Variants in RBFOX1 observed in about 807,000 individuals in gnomAD.
RBFOX1 encodes RNA binding protein fox-1 homolog 1.
RBFOX1 carries 8 observed loss-of-function variants against 57.7 expected under a neutral mutation model. The observed-to-expected ratio is 0.14, with a 90% CI of 0.08 to 0.25. The LOEUF (loss-of-function observed/expected upper bound fraction) is 0.25. Ranked by LOEUF, RBFOX1 falls within the 10% of genes least tolerant of loss-of-function variation. The pLI, the probability that RBFOX1 is intolerant of heterozygous loss-of-function variation, is 1.00. For missense variants in RBFOX1, 611 were observed against 548.5 expected, an observed-to-expected ratio of 1.11 and a Z score of -1.14; for synonymous variants, 326 against 222.4, an observed-to-expected ratio of 1.47 and a Z score of -4.15.
intron 2 of RBFOX1, among the ~76,000 whole-genome samples, chr16:6,618,217 C>T (rs2098171785): frequency 6.6e-6 from 1 of 152,128 alleles, no homozygotes. Flanking sequence ...GTGGTCTACC[C>T]ATCACTGATA....
intron 4 of RBFOX1, among the ~76,000 whole-genome samples, chr16:7,222,169 G>C (rs1385817512): frequency 6.8e-6 from 1 of 147,144 alleles, no homozygotes; most frequent in African/African-American, 2.4e-5. Context: ...CCTGAAGTAA[G>C]ACAGTGCCAT....
intron 2 of RBFOX1, among the ~76,000 whole-genome samples, chr16:6,638,108 G>T (rs544427379): frequency 6.6e-6 from 1 of 152,016 alleles, no homozygotes; most frequent in Non-Finnish European, 1.5e-5. Flanking sequence ...AATGTTGTAG[G>T]CCTGCCATTG....
rs2098112130 is a variant in RBFOX1, at chr16:7,394,651, C to A, written c.28-123496C>A. The stretch of plus-strand genomic sequence containing the variant: ...GTGTCTGGATTCTCGATCACCACCT[C>A]CCTTTTCAGTTTACTGATCAGGCAG... On this transcript the variant is annotated intron_variant, in intron 4 of 15. Coordinates refer to ENST00000550418, the MANE Select transcript of RBFOX1 (RefSeq NM_018723.4). Among the ~76,000 whole-genome samples the A allele has an allele frequency of 2.0e-5, 3 of 152,312 alleles. No individual in the cohort carries two copies. The South Asian group carries it at 6.2e-4, about 32-fold the overall frequency.
At chr16:6,282,897 T>C (rs931328870) in intron 1 of RBFOX1, among the ~76,000 whole-genome samples, 5 of 152,246 alleles carry the variant, frequency 3.3e-5, no homozygotes, top group Admixed American at 3.3e-4. Flanking sequence ...ATCTATTGTC[T>C]CATTTCATTG....
intron 4 of RBFOX1, among the ~76,000 whole-genome samples, chr16:7,202,913 G>T (rs150639448): frequency 7.6e-4 from 115 of 151,982 alleles, no homozygotes; most frequent in African/African-American, 2.4e-3. Context: ...TTTTGAGACC[G>T]AGTCTCACTG....
intron 3 of RBFOX1, among the ~76,000 whole-genome samples, chr16:6,988,726 A>G (rs1408073372): frequency 7.5e-6 from 1 of 132,836 alleles, no homozygotes; most frequent in Non-Finnish European, 1.5e-5. Context: ...CATCACACCC[A>G]GCTAATTTTT....
At chr16:7,067,872 T>A (rs1444063276) in intron 4 of RBFOX1, among the ~76,000 whole-genome samples, 2 of 152,064 alleles carry the variant, frequency 1.3e-5, no homozygotes, top group Non-Finnish European at 2.9e-5. Flanking sequence ...AACTCATCAT[T>A]TTTTATGGCT....
At chr16:6,703,785 C>G (rs193153538) in intron 3 of RBFOX1, 1 of 152,368 alleles carries the variant, frequency 6.6e-6, no homozygotes, top group Non-Finnish European at 1.5e-5. Flanking sequence ...CCACATCTGT[C>G]CAACCCAGAT....
chr16:5,745,377 A>G (rs1423706921), intron 3 of RBFOX1, among the ~76,000 whole-genome samples: 6 of 152,212 alleles, frequency 3.9e-5, no homozygotes, highest in Non-Finnish European at 1.5e-5. Context: ...AGTCTTTACT[A>G]TTGTGAATAG....
At chr16:5,329,873 G>C in intron 1 of RBFOX1, among the ~76,000 whole-genome samples, 1 of 151,984 alleles carries the variant, frequency 6.6e-6, no homozygotes, top group East Asian at 1.9e-4. Flanking sequence ...GTGATGGCAG[G>C]CACCTGTAGT....
At chr16:7,674,019 G>T (rs183103199) in intron 13 of RBFOX1, among the ~76,000 whole-genome samples, 1 of 152,164 alleles carries the variant, frequency 6.6e-6, no homozygotes, top group Non-Finnish European at 1.5e-5. Context: ...AATACAGAGC[G>T]ATAAAATTGA....
At chr16:5,364,826 C>G (rs986848756) in intron 1 of RBFOX1, among the ~76,000 whole-genome samples, 1 of 152,102 alleles carries the variant, frequency 6.6e-6, no homozygotes, top group East Asian at 1.9e-4. Flanking sequence ...TGGGGCTTGG[C>G]TTGTTGACAT....
chr16:7,115,264 G>A (rs62014131), intron 4 of RBFOX1, among the ~76,000 whole-genome samples: 44,569 of 151,952 alleles, frequency 0.29, 7,826 homozygotes, highest in Non-Finnish European at 0.39. Context: ...GGTGGCCTCC[G>A]GTCACTCATG....
At position 6,061,932 on chromosome 16, in the gene RBFOX1, G is replaced by C. The variant is rs373436603; in HGVS notation, c.-127+41940G>C. Reference sequence around the variant, plus strand: ...AAGACTGCCCCCACTTTGGACTCCAGTTGGAAGCCTCAGGTTGTGACCTGT... The same window carrying C: ...AAGACTGCCCCCACTTTGGACTCCACTTGGAAGCCTCAGGTTGTGACCTGT... On this transcript the variant is annotated intron_variant, in intron 1 of 15. Coordinates refer to ENST00000550418, the MANE Select transcript of RBFOX1 (RefSeq NM_018723.4). Among the ~76,000 whole-genome samples the C allele has an allele frequency of 2.6e-5, 4 of 152,176 alleles. No individual in the cohort carries two copies. The East Asian group carries it at 5.8e-4, about 22-fold the overall frequency.
intron 3 of RBFOX1, among the ~76,000 whole-genome samples, chr16:7,016,318 C>A (rs780479058): frequency 3.1e-4 from 47 of 152,126 alleles, no homozygotes; most frequent in Non-Finnish European, 5.7e-4. Context: ...AAACTGAAGA[C>A]TGGGAGTTAA....
At chr16:7,399,355 G>A (rs2098198196) in intron 4 of RBFOX1, among the ~76,000 whole-genome samples, 1 of 152,170 alleles carries the variant, frequency 6.6e-6, no homozygotes, top group Non-Finnish European at 1.5e-5. Context: ...GCTGAAGCAG[G>A]AGAATTGCTT....
At chr16:7,319,270 G>A (rs2096499660) in intron 4 of RBFOX1, among the ~76,000 whole-genome samples, 1 of 152,282 alleles carries the variant, frequency 6.6e-6, no homozygotes, top group African/African-American at 2.4e-5. Flanking sequence ...ATTCAATATT[G>A]TTGGGGGAGA....
At chr16:7,418,687 C>T (rs1292238477) in intron 4 of RBFOX1, among the ~76,000 whole-genome samples, 1 of 152,046 alleles carries the variant, frequency 6.6e-6, no homozygotes, top group Non-Finnish European at 1.5e-5. Flanking sequence ...CTTTTGCAAA[C>T]CTGGAAAAAA....
At chr16:5,509,375 C>T (rs2043498518) in intron 2 of RBFOX1, among the ~76,000 whole-genome samples, 1 of 152,182 alleles carries the variant, frequency 6.6e-6, no homozygotes, top group African/African-American at 2.4e-5. Context: ...TGATCTCCCT[C>T]CACCACCGAC....
Sources: allele counts gnomAD v4.1 joint callset (sites outside exome capture counted in the v4.1 genomes callset), GRCh38; gene constraint gnomAD v4.1.1; transcripts MANE v1.5; gene names NCBI Gene and HGNC (gene_info 2026-07-23, HGNC 2026-07-21).